Variants in ZNF630 observed in about 807,000 individuals in gnomAD.
ZNF630 encodes the protein zinc finger protein 630.
ZNF630 carries 5 observed loss-of-function variants against 7.2 expected under a neutral mutation model. The ratio of observed to expected loss-of-function variants is 0.70; its 90% CI spans 0.36 to 1.46. The LOEUF is 1.46. Among genes scored for constraint, ZNF630 ranks in the 40% most tolerant of loss-of-function variants. The probability of loss-of-function intolerance (pLI) is 0.03; values close to 1 mark genes in which losing one functional copy is unlikely to be tolerated. For synonymous variants in ZNF630, 158 were observed against 162.8 expected (o/e 0.97, Z 0.23); for missense variants, 461 against 477.0 (o/e 0.97, Z 0.31).
Position 48,059,036 on chromosome X carries a change from G to A in ZNF630, c.1406C>T (p.Ser469Phe), listed in dbSNP as rs782467561. The change falls in exon 5 of 5, where the codon TCC becomes TTC. Residue 469 changes from serine to phenylalanine, a missense_variant. By Grantham distance (155) the Ser-to-Phe change is radical. Coordinates refer to ENST00000276054, the MANE Select transcript of ZNF630 (RefSeq NM_001282201.2). The stretch of plus-strand genomic sequence containing the variant: ...ATGGCCAGTGAGGTGTGACTTCTGG[G>A]AAAAGGCCTTCCCACAGTCAGTACA... ...YVCTDCGKAF[S>F]QKSHLTGHQR... 5.0e-6 allele frequency: 6 copies of A among 1,204,379 alleles called. No homozygotes were observed. The highest frequency in any genetic ancestry group is 2.2e-6 in the Non-Finnish European group (2 of 891,906).
chrX:48,065,016 T>G (rs2059123582), intron 2 of ZNF630, among the ~76,000 whole-genome samples: 1 of 112,268 alleles, frequency 8.9e-6, no homozygotes, highest in African/African-American at 3.2e-5. Context: ...CAGAAAAAGT[T>G]TGCTGACCCC....
chrX:48,059,333 G>A lies in ZNF630; in HGVS notation c.1109C>T (p.Thr370Ile), dbSNP rs782346885. The change falls in exon 5 of 5, where the codon ACC (threonine) becomes ATC (isoleucine). Residue 370 changes from threonine to isoleucine, a missense_variant. Transcript: ENST00000276054. ...SHLIIHQRVHTREKPFECSEC... is the reference protein window; with the variant it reads ...SHLIIHQRVHIREKPFECSEC... ...ACTGCATTCAAAGGGCTTCTCTCTG[G>A]TATGAACTCTCTGATGTATAATTAG... The A allele has an allele frequency of 5.0e-5, 60 of 1,206,677 alleles. No homozygotes were observed. Among genetic ancestry groups the A allele is most frequent in the Non-Finnish European group, 6.6e-5 (59 of 892,987 alleles).
In ZNF630 at chrX:48,058,943, G is replaced by A. The variant is rs1556908378; in HGVS notation, c.1499C>T (p.Ser500Leu). Residue 500 changes from serine to leucine, a missense_variant, in exon 5 of 5, where the codon TCA becomes TTA. Physicochemically the swap from Ser to Leu is moderately radical, Grantham distance 145 (BLOSUM62 -2). Coordinates refer to ENST00000276054, the MANE Select transcript of ZNF630 (RefSeq NM_001282201.2). ...AATTCTCTGGTGTATGATAAGAGGTGATTTCTGAGAGAAGGATTTTCCACA... is the reference window on the plus strand; with the variant it reads ...AATTCTCTGGTGTATGATAAGAGGTAATTTCTGAGAGAAGGATTTTCCACA... ...TECGKSFSQK[S>L]PLIIHQRIHT... 1 of 1,208,328 alleles carries A rather than the reference G, an allele frequency of 8.3e-7. No homozygotes were observed. The highest frequency in any genetic ancestry group is 2.2e-5 in the Admixed American group (1 of 45,907).
intron 1 of ZNF630, among the ~76,000 whole-genome samples, chrX:48,068,076 A>AAAGGCAGGAAGGAAGGCAGGAGGG (rs1569422228): frequency 4.8e-5 from 5 of 104,821 alleles, no homozygotes; most frequent in African/African-American, 1.4e-4. Flanking sequence ...GAAAGGCAAG[A>AAAGGCAGGAAGGAAGGCAGGAGGG]AAGGCAGGAA....
intron 2 of ZNF630, among the ~76,000 whole-genome samples, chrX:48,064,027 G>GT (rs2059119008): frequency 9.0e-6 from 1 of 111,417 alleles, no homozygotes; most frequent in Admixed American, 9.6e-5. Context: ...TTATATGGTT[G>GT]TTTTATTTGT....
chrX:48,067,716 G>A (rs1603237363), intron 1 of ZNF630, among the ~76,000 whole-genome samples: 1 of 110,497 alleles, frequency 9.1e-6, no homozygotes, highest in East Asian at 2.9e-4. Flanking sequence ...TGGGCAAATT[G>A]CTTGAGCCCA....
Position 48,057,955 on chromosome X carries a change from G to A in ZNF630, c.*513C>T, listed in dbSNP as rs909918049. Among the ~76,000 whole-genome samples the A allele has an allele frequency of 4.4e-4, 49 of 110,388 alleles. 1 individual carries two copies. The highest frequency in any genetic ancestry group is 1.5e-3 in the African/African-American group (45 of 30,224). The stretch of plus-strand genomic sequence containing the variant: ...CCTATAATCCCAGCTACTCGAGAGG[G>A]CGAGGCAGGACAATCGCTCAAACCT... On this transcript the variant is annotated 3_prime_UTR_variant, in exon 5 of 5. Transcript: ENST00000276054.
At chrX:48,067,975 C>T (rs1312100321) in intron 1 of ZNF630, among the ~76,000 whole-genome samples, 2 of 109,607 alleles carry the variant, frequency 1.8e-5, no homozygotes, top group African/African-American at 6.7e-5. Context: ...ACATGAGAAT[C>T]ACTTGAACCC....
chrX:48,069,265 G>C lies in ZNF630; in HGVS notation c.-176+2002C>G, dbSNP rs113046934. On this transcript the variant is annotated intron_variant, in intron 1 of 4. Transcript: ENST00000276054. ...AAGAAAAAAAAAAAGGAAAAGAAAA[G>C]AAAACAAAAAAAAAATACCATGTAG... Among the ~76,000 whole-genome samples, 202 of 105,544 alleles carry C rather than the reference G, an allele frequency of 1.9e-3. 3 individuals carry two copies. Among genetic ancestry groups the C allele is most frequent in the African/African-American group, 6.7e-3 (192 of 28,457 alleles). The allele number at this position is 105,544 out of a possible 115,157, so 91.7% of individuals were successfully genotyped here.
intron 2 of ZNF630, among the ~76,000 whole-genome samples, chrX:48,062,902 T>C (rs2059112191): frequency 2.0e-5 from 2 of 98,113 alleles, no homozygotes; most frequent in South Asian, 4.9e-4. Flanking sequence ...ATAGTGCCAC[T>C]GCACTCTAGC....
At chrX:48,060,705 A>G in intron 3 of ZNF630, 114 bp downstream of exon 3, 1 of 972,925 alleles carries the variant, frequency 1.0e-6, no homozygotes, top group East Asian at 3.4e-5. Flanking sequence ...AAAAACCAAA[A>G]CTATAAAAGA....
chrX:48,058,827 C>T lies in ZNF630; in HGVS notation c.1615G>A (p.Gly539Arg), dbSNP rs1458458363. 8.3e-7 allele frequency: 1 copy of T among 1,203,728 alleles called. No individual in the cohort carries two copies. The highest frequency in any genetic ancestry group is 1.8e-5 in the African/African-American group (1 of 56,533). ...TCAGTACACTCATAAGGTTTCTCCC[C>T]TGTGTGAACTCTCAGATGAATAATG... ...LLIIHLRVHT[G>R]EKPYECTECG... Residue 539 changes from glycine (G) to arginine (R), a missense_variant, in exon 5 of 5, where the codon GGG (glycine) becomes AGG (arginine). Physicochemically the swap from Gly to Arg is moderately radical, Grantham distance 125 (BLOSUM62 -2). Transcript: ENST00000276054.
chrX:48,060,324 G>A, intron 4 of ZNF630, 121 bp from the exon 5 acceptor site: 1 of 977,056 alleles, frequency 1.0e-6, no homozygotes, highest in East Asian at 3.2e-5. Flanking sequence ...TAGGAAGGTG[G>A]CTGTTGTAGA....
intron 1 of ZNF630, among the ~76,000 whole-genome samples, chrX:48,070,797 T>G (rs1463281841): frequency 9.1e-6 from 1 of 109,325 alleles, no homozygotes; most frequent in African/African-American, 3.3e-5. Context: ...AAGTTGGACT[T>G]CTCCATCGGA....
In ZNF630 at chrX:48,059,011, A is replaced by G. The variant is rs782713374; in HGVS notation, c.1431T>C (p.His477=). Residue 477 remains histidine, a synonymous_variant, in exon 5 of 5, where the codon CAT becomes CAC. Coordinates refer to ENST00000276054, the MANE Select transcript of ZNF630 (RefSeq NM_001282201.2). ...AFSQKSHLTG[H]QRLHTGEKPY... ...GTTTCTCTCCAGTATGAAGTCTTTGATGGCCAGTGAGGTGTGACTTCTGGG... is the reference window on the plus strand; with the variant it reads ...GTTTCTCTCCAGTATGAAGTCTTTGGTGGCCAGTGAGGTGTGACTTCTGGG... 12 of 1,206,299 alleles carry G rather than the reference A, an allele frequency of 9.9e-6. No homozygotes were observed. The South Asian group carries it at 1.2e-4, about 12-fold the overall frequency.
At chrX:48,062,482 C>T (rs111314456) in intron 2 of ZNF630, among the ~76,000 whole-genome samples, 2 of 112,597 alleles carry the variant, frequency 1.8e-5, no homozygotes, top group African/African-American at 6.5e-5. Flanking sequence ...GCCTGTAATC[C>T]CAGCCCTTGG....
intron 1 of ZNF630, among the ~76,000 whole-genome samples, chrX:48,068,227 AAAG>A (rs782776394): frequency 0.041 from 1,263 of 31,018 alleles, 16 homozygotes; most frequent in Middle Eastern, 0.1. Flanking sequence ...AGAAAAAAGA[AAAG>A]AAAAGAAAAG....
chrX:48,065,069 A>G (rs953604746), intron 2 of ZNF630, among the ~76,000 whole-genome samples: 2 of 112,391 alleles, frequency 1.8e-5, no homozygotes, highest in African/African-American at 6.5e-5. Flanking sequence ...ATTACAATTT[A>G]CCAAACCAGA....
intron 2 of ZNF630, among the ~76,000 whole-genome samples, chrX:48,065,034 G>A (rs1161189641): frequency 8.9e-6 from 1 of 112,210 alleles, no homozygotes; most frequent in Non-Finnish European, 1.9e-5. Context: ...CCCTGACTTA[G>A]AGGAACTGGA....
Sources: allele counts gnomAD v4.1 joint callset (sites outside exome capture counted in the v4.1 genomes callset), GRCh38; gene constraint gnomAD v4.1.1; transcripts MANE v1.5; gene names NCBI Gene and HGNC (gene_info 2026-07-23, HGNC 2026-07-21).